Variants in SORCS1 observed in about 807,000 individuals in gnomAD.
The protein encoded by SORCS1 is sortilin related VPS10 domain containing receptor 1, also known as VPS10 domain-containing receptor SorCS1.
In SORCS1, 60 loss-of-function variants were observed where a neutral mutation model predicts 146.1. The ratio of observed to expected loss-of-function variants is 0.41; its 90% confidence interval spans 0.33 to 0.51. The LOEUF (loss-of-function observed/expected upper bound fraction) is 0.51. Among genes scored for constraint, SORCS1 ranks in the 20% least tolerant of loss-of-function variants. The pLI is 0.21. For missense variants in SORCS1, 1,352 were observed against 1,487.6 expected (o/e 0.91, Z 1.50); for synonymous variants, 637 against 584.0 (o/e 1.09, Z -1.31).
chr10:107,056,975 G>A (rs1317198422), intron 1 of SORCS1, among the ~76,000 whole-genome samples: 3 of 152,152 alleles, frequency 2.0e-5, no homozygotes, highest in East Asian at 1.9e-4. Flanking sequence ...TCTTGTCACC[G>A]TGTGCACGGA....
chr10:106,610,796 G>C (rs1199467798), intron 22 of SORCS1, among the ~76,000 whole-genome samples: 3 of 152,198 alleles, frequency 2.0e-5, no homozygotes, highest in African/African-American at 7.2e-5. Context: ...AGTAGAATAA[G>C]GGGCCGACGC....
Position 106,663,479 on chromosome 10 carries a change from C to T in SORCS1, c.2303+4210G>A, listed in dbSNP as rs150770361. The stretch of plus-strand genomic sequence containing the variant: ...GGCTTTTAAACATATAAAACATACA[C>T]ATTTATTTTGTAACTAAATATTTTT... On this transcript the variant is annotated intron_variant, in intron 17 of 25. Coordinates refer to ENST00000263054, the MANE Select transcript of SORCS1 (RefSeq NM_052918.5). Among the ~76,000 whole-genome samples, 72 of 152,226 alleles carry T rather than the reference C, an allele frequency of 4.7e-4. No individual in the cohort carries two copies. The East Asian group carries it at 0.011, about 24-fold the overall frequency.
chr10:107,012,126 T>C (rs1255165004), intron 1 of SORCS1, among the ~76,000 whole-genome samples: 1 of 152,192 alleles, frequency 6.6e-6, no homozygotes, highest in East Asian at 1.9e-4. Context: ...TCCAAGACCT[T>C]GTCTAAGACT....
intron 24 of SORCS1, among the ~76,000 whole-genome samples, chr10:106,594,414 A>T (rs934430080): frequency 1.3e-5 from 2 of 152,256 alleles, no homozygotes; most frequent in Non-Finnish European, 2.9e-5. Flanking sequence ...TAATTAACAT[A>T]TCCATCATTT....
chr10:107,024,304 T>C (rs1194895500), intron 1 of SORCS1, among the ~76,000 whole-genome samples: 1 of 151,576 alleles, frequency 6.6e-6, no homozygotes, highest in Non-Finnish European at 1.5e-5. Context: ...GGCAGAAGGG[T>C]AAGGGCTGGT....
chr10:106,748,908 G>A (rs1327453798), intron 5 of SORCS1, among the ~76,000 whole-genome samples: 1 of 152,168 alleles, frequency 6.6e-6, no homozygotes, highest in Non-Finnish European at 1.5e-5. Context: ...TCAACCAGAG[G>A]AGGAATATTA....
intron 1 of SORCS1, among the ~76,000 whole-genome samples, chr10:106,968,008 T>A (rs1955582905): frequency 6.7e-6 from 1 of 148,934 alleles, no homozygotes; most frequent in African/African-American, 2.5e-5. Flanking sequence ...ATCGAGACCA[T>A]CCTGGCTAAC....
intron 1 of SORCS1, among the ~76,000 whole-genome samples, chr10:106,961,112 GGAT>G (rs573020007): frequency 1.4e-4 from 21 of 152,136 alleles, no homozygotes; most frequent in Non-Finnish European, 2.5e-4. Context: ...GCTGGTATAT[GGAT>G]GACTAATAAG....
At chr10:106,781,102 T>G (rs1193986194) in intron 3 of SORCS1, among the ~76,000 whole-genome samples, 1 of 152,048 alleles carries the variant, frequency 6.6e-6, no homozygotes, top group Admixed American at 6.6e-5. Flanking sequence ...CTACAAAAGG[T>G]TGGCAGGCAG....
chr10:106,596,623 C>T (rs1417583101), intron 24 of SORCS1, among the ~76,000 whole-genome samples: 2 of 152,098 alleles, frequency 1.3e-5, no homozygotes, highest in African/African-American at 4.8e-5. Context: ...AGGTTCAATT[C>T]CTGGGTGTGG....
chr10:106,731,248 G>A (rs1028693366), intron 5 of SORCS1, among the ~76,000 whole-genome samples: 2 of 131,760 alleles, frequency 1.5e-5, no homozygotes, highest in Middle Eastern at 4.6e-3. Context: ...AGCCGAGATC[G>A]CACCACTGCA....
At chr10:106,767,423 T>C (rs112499346) in intron 4 of SORCS1, among the ~76,000 whole-genome samples, 8 of 152,284 alleles carry the variant, frequency 5.3e-5, no homozygotes, top group African/African-American at 1.9e-4. Context: ...TCCTGTGCAT[T>C]CAGGTCTGGA....
intron 1 of SORCS1, among the ~76,000 whole-genome samples, chr10:107,045,330 G>C (rs1732854782): frequency 6.6e-6 from 1 of 152,108 alleles, no homozygotes; most frequent in South Asian, 2.1e-4. Context: ...AGTAGTCTGA[G>C]GTCCATACTT....
At chr10:106,923,039 C>T (rs1400227838) in intron 2 of SORCS1, among the ~76,000 whole-genome samples, 14 of 152,106 alleles carry the variant, frequency 9.2e-5, no homozygotes, top group Admixed American at 3.9e-4. Context: ...TAGGCGCACA[C>T]GCCACCACAC....
At chr10:107,166,106 T>C (rs1404133179), upstream of SORCS1, among the ~76,000 whole-genome samples, 3 of 152,228 alleles carry the variant, frequency 2.0e-5, no homozygotes, top group Non-Finnish European at 2.9e-5. Context: ...CTTAGGTACA[T>C]GTTATTACAT....
At chr10:106,596,085 C>A (rs11814145) in intron 24 of SORCS1, among the ~76,000 whole-genome samples, 54,560 of 152,056 alleles carry the variant, frequency 0.36, 11,641 homozygotes, top group East Asian at 0.73. Context: ...TCCCAGGATT[C>A]CATAGTGAGT....
At chr10:106,644,172 T>G (rs911660225) in intron 18 of SORCS1, among the ~76,000 whole-genome samples, 1 of 152,146 alleles carries the variant, frequency 6.6e-6, no homozygotes, top group Non-Finnish European at 1.5e-5. Context: ...TAAGTAAGCT[T>G]TTTGTTGAGT....
chr10:106,871,249 G>A (rs1016497249), intron 2 of SORCS1, among the ~76,000 whole-genome samples: 10 of 152,172 alleles, frequency 6.6e-5, no homozygotes, highest in African/African-American at 2.2e-4. Context: ...TACACTATTG[G>A]TGGGAGTGTA....
chr10:107,141,421 G>A (rs1031014593), intron 1 of SORCS1, among the ~76,000 whole-genome samples: 5 of 152,088 alleles, frequency 3.3e-5, no homozygotes, highest in African/African-American at 1.2e-4. Flanking sequence ...TATTCTCCAA[G>A]CTGAGGAAGT....
Sources: gnomAD v4.1 joint callset for allele counts (sites outside exome capture counted in the v4.1 genomes callset) on GRCh38, gnomAD v4.1.1 for gene constraint, MANE v1.5 for transcripts, NCBI Gene and HGNC (gene_info 2026-07-23, HGNC 2026-07-21) for gene names.